Variants in IRAK1BP1 observed in about 807,000 individuals in gnomAD.
The protein encoded by IRAK1BP1 is interleukin-1 receptor-associated kinase 1-binding protein 1.
Under a neutral mutation model 28.0 loss-of-function variants are expected in IRAK1BP1, and 24 were observed. That is an observed-to-expected ratio of 0.86 (90% CI 0.62 to 1.20). The LOEUF is 1.20. IRAK1BP1 is among the 50% of genes most tolerant of loss of function. The pLI is 0.00. For synonymous variants in IRAK1BP1, 131 were observed against 116.3 expected (o/e 1.13, Z -0.81); for missense variants, 336 against 316.7 (o/e 1.06, Z -0.46).
At chr6:78,952,442 A>G in the IRAK1BP1 span, among the ~76,000 whole-genome samples, 47 of 141,192 alleles carry the variant, frequency 3.3e-4, no homozygotes, top group African/African-American at 1.2e-3. Flanking sequence ...AAAAAAAAAG[A>G]AAAAAAAAAA....
At chr6:78,886,661 C>A (rs970739996) in intron 2 of IRAK1BP1, among the ~76,000 whole-genome samples, 5 of 151,800 alleles carry the variant, frequency 3.3e-5, no homozygotes, top group African/African-American at 7.3e-5. Flanking sequence ...ATGAAGGTAC[C>A]AAGGGAATAA....
the IRAK1BP1 span, among the ~76,000 whole-genome samples, chr6:78,975,528 A>G: frequency 1.3e-5 from 2 of 152,188 alleles, no homozygotes; most frequent in African/African-American, 2.4e-5. Flanking sequence ...GGCCAGGGCA[A>G]TTAGGCAGGA....
chr6:78,927,596 G>T (rs1312390876), intron 4 of IRAK1BP1, among the ~76,000 whole-genome samples: 1 of 152,008 alleles, frequency 6.6e-6, no homozygotes, highest in East Asian at 1.9e-4. Flanking sequence ...TGTTACTCAA[G>T]AAATTTTTGT....
At chr6:78,919,170 A>G (rs1014606833) in intron 4 of IRAK1BP1, among the ~76,000 whole-genome samples, 3 of 152,222 alleles carry the variant, frequency 2.0e-5, no homozygotes, top group Non-Finnish European at 4.4e-5. Context: ...GAAATACAAC[A>G]TACCAAAATA....
the IRAK1BP1 span, chr6:78,961,619 C>T: frequency 6.6e-7 from 1 of 1,510,454 alleles, no homozygotes; most frequent in South Asian, 1.2e-5. Flanking sequence ...AGAAACACTG[C>T]TAAAGATCAG....
downstream of IRAK1BP1, among the ~76,000 whole-genome samples, chr6:78,949,263 G>A (rs928525397): frequency 2.6e-5 from 4 of 152,056 alleles, no homozygotes; most frequent in Non-Finnish European, 5.9e-5. Context: ...GGCCAATGAT[G>A]ATCTGGTACC....
chr6:78,932,401 T>C, intron 4 of IRAK1BP1, among the ~76,000 whole-genome samples: 1 of 151,054 alleles, frequency 6.6e-6, no homozygotes, highest in South Asian at 2.1e-4. Context: ...TTACAACATG[T>C]ATTTCTTTTC....
downstream of IRAK1BP1, chr6:78,947,825 CA>C (rs1226966488): frequency 7.6e-7 from 1 of 1,323,746 alleles, no homozygotes; most frequent in Non-Finnish European, 1.1e-6. Context: ...CACAAAGCAT[CA>C]CTTCTCAGTG....
intron 1 of IRAK1BP1, chr6:78,871,560 T>C: frequency 4.1e-6 from 4 of 982,520 alleles, no homozygotes; most frequent in Non-Finnish European, 4.8e-6. Context: ...TGCAATGGAC[T>C]AAATGTTTGT....
rs1581981085 is a variant in IRAK1BP1, at chr6:78,867,680, C to T, written c.104C>T (p.Pro35Leu). 3.1e-6 allele frequency: 5 copies of T among 1,614,242 alleles called. No individual in the cohort carries two copies. Among genetic ancestry groups the T allele is most frequent in the Non-Finnish European group, 3.4e-6 (4 of 1,180,050 alleles). The change falls in exon 1 of 4, where the codon CCG (proline) becomes CTG (leucine). Residue 35 changes from proline (P) to leucine (L), a missense_variant. Coordinates refer to ENST00000369940, the MANE Select transcript of IRAK1BP1 (RefSeq NM_001010844.4). The part of the protein sequence containing the change: ...NNLASGRETL[P>L]GLRHPLSSTQ... Reference sequence around the variant, plus strand: ...CTGGCCTCAGGGAGAGAGACGCTACCGGGCTTACGCCACCCCCTCTCCTCA... The same window carrying T: ...CTGGCCTCAGGGAGAGAGACGCTACTGGGCTTACGCCACCCCCTCTCCTCA...
the IRAK1BP1 span, chr6:78,966,076 A>T: frequency 2.1e-6 from 3 of 1,442,962 alleles, no homozygotes; most frequent in Non-Finnish European, 2.9e-6. Context: ...AACAAAAACT[A>T]ACTCATCATT....
intron 4 of IRAK1BP1, among the ~76,000 whole-genome samples, chr6:78,925,353 GTC>G (rs1285737170): frequency 6.6e-6 from 1 of 151,774 alleles, no homozygotes; most frequent in Non-Finnish European, 1.5e-5. Context: ...AAAACCAAAA[GTC>G]TCATTCAAGA....
intron 4 of IRAK1BP1, chr6:78,939,124 A>C (rs749143866): frequency 1.3e-5 from 2 of 151,730 alleles, no homozygotes; most frequent in Non-Finnish European, 3.0e-5. Flanking sequence ...AGAAATGGTA[A>C]GTATGTTGGT....
In IRAK1BP1 at chr6:78,920,661, A is replaced by G. The variant is rs1473060030; in HGVS notation, c.*67+17551A>G. Reference sequence around the variant, plus strand: ...AAGATGGATTTGAAGACATAAATGTAAAACCTAAAACTGTAAAAACACTAG... The same window carrying G: ...AAGATGGATTTGAAGACATAAATGTGAAACCTAAAACTGTAAAAACACTAG... On this transcript the variant is annotated intron_variant and NMD_transcript_variant, in intron 4 of 4. Coordinates refer to the IRAK1BP1 transcript ENST00000606868. 3.9e-5 allele frequency among the ~76,000 whole-genome samples: 6 copies of G among 152,334 alleles called. No homozygotes were observed. In the East Asian group the frequency reaches 9.6e-4, roughly 24 times the overall value.
intron 4 of IRAK1BP1, chr6:78,936,193 C>T (rs916458831): frequency 5.3e-5 from 8 of 151,530 alleles, no homozygotes; most frequent in Non-Finnish European, 1.0e-4. Flanking sequence ...AACAGATCTG[C>T]TTGTGTTTAA....
intron 4 of IRAK1BP1, among the ~76,000 whole-genome samples, chr6:78,919,902 G>T (rs1160328290): frequency 2.0e-5 from 3 of 152,160 alleles, no homozygotes; most frequent in African/African-American, 7.2e-5. Context: ...CATCCCTGAT[G>T]AACTTAGACA....
At chr6:78,963,015 A>T in the IRAK1BP1 span, 6 of 1,347,842 alleles carry the variant, frequency 4.5e-6, no homozygotes, top group African/African-American at 1.5e-5. Context: ...GTGAAAAAAA[A>T]TTTTTGTTGG....
the IRAK1BP1 span, among the ~76,000 whole-genome samples, chr6:78,952,422 A>C: frequency 7.1e-6 from 1 of 140,178 alleles, no homozygotes; most frequent in Non-Finnish European, 1.6e-5. Flanking sequence ...TGTCCCAAAA[A>C]AAAAAGAAAA....
At chr6:78,913,302 T>A (rs1050390238) in intron 4 of IRAK1BP1, among the ~76,000 whole-genome samples, 5 of 150,478 alleles carry the variant, frequency 3.3e-5, no homozygotes, top group Admixed American at 6.7e-5. Flanking sequence ...ACCACTGCAC[T>A]CCAGCCTGGG....
Sources: gnomAD v4.1 joint callset for allele counts (sites outside exome capture counted in the v4.1 genomes callset) on GRCh38, gnomAD v4.1.1 for gene constraint, MANE v1.5 for transcripts, NCBI Gene and HGNC (gene_info 2026-07-23, HGNC 2026-07-21) for gene names.